Variants in LRP6 observed in about 807,000 individuals in gnomAD.
LRP6 encodes the protein low-density lipoprotein receptor-related protein 6.
Under a neutral mutation model 184.1 loss-of-function variants are expected in LRP6, and 43 were observed. The observed-to-expected ratio is 0.23, with a 90% CI of 0.18 to 0.30. The LOEUF (loss-of-function observed/expected upper bound fraction) is 0.30, where lower values mean the gene tolerates loss of function less well. Ranked by LOEUF, LRP6 falls within the 10% of genes least tolerant of loss-of-function variation. The pLI is 1.00. For synonymous variants in LRP6, 719 were observed against 684.9 expected, an observed-to-expected ratio of 1.05 and a Z score of -0.78; for missense variants, 1,571 against 2,005.3, an observed-to-expected ratio of 0.78 and a Z score of 4.14.
chr12:12,203,445 A>G (rs749897265), intron 2 of LRP6, 45 bp from the exon 3 acceptor site: 1 of 1,427,806 alleles, frequency 7.0e-7, no homozygotes, highest in Non-Finnish European at 9.9e-7. Context: ...AGCAGATATC[A>G]ATCAAATACT....
intron 3 of LRP6, among the ~76,000 whole-genome samples, chr12:12,191,987 C>A (rs569582752): frequency 6.6e-6 from 1 of 151,978 alleles, no homozygotes; most frequent in East Asian, 1.9e-4. Context: ...ATGAAGAATA[C>A]CAGAAATAGT....
intron 12 of LRP6, chr12:12,155,194 T>TCAAA (rs200217851): frequency 0.075 from 43,171 of 577,856 alleles, 1,848 homozygotes; most frequent in Admixed American, 0.11. Context: ...AGACTCTGTC[T>TCAAA]CAAACAAACA....
At chr12:12,222,687 T>G (rs1364055070) in intron 2 of LRP6, among the ~76,000 whole-genome samples, 1 of 152,114 alleles carries the variant, frequency 6.6e-6, no homozygotes, top group Non-Finnish European at 1.5e-5. Flanking sequence ...CTATGTTTTT[T>G]CCTATATATA....
chr12:12,237,804 T>A (rs1489011304), intron 2 of LRP6, among the ~76,000 whole-genome samples: 1 of 152,190 alleles, frequency 6.6e-6, no homozygotes, highest in East Asian at 1.9e-4. Context: ...ACATCTCAGA[T>A]TAGAAAAGGC....
chr12:12,229,319 G>A (rs964310682), intron 2 of LRP6, among the ~76,000 whole-genome samples: 3 of 143,296 alleles, frequency 2.1e-5, no homozygotes, highest in Non-Finnish European at 3.0e-5. Flanking sequence ...GCTGTGAGCC[G>A]AGATCATGCC....
chr12:12,169,874 G>C (rs969276362), intron 7 of LRP6, among the ~76,000 whole-genome samples: 1 of 152,118 alleles, frequency 6.6e-6, no homozygotes, highest in African/African-American at 2.4e-5. Flanking sequence ...ACCACGTTTT[G>C]TAAGCACACT....
chr12:12,118,197 C>A lies in LRP6; in HGVS notation c.*2929G>T, dbSNP rs1218118616. 2.0e-5 allele frequency: 3 copies of A among 152,190 alleles called. No homozygotes were observed. Among genetic ancestry groups the A allele is most frequent in the African/African-American group, 7.2e-5 (3 of 41,450 alleles). The allele number at this position is 152,190 out of a possible 1,614,324, so 9.4% of individuals were successfully genotyped here. A position where few individuals can be genotyped will look rare whatever the true frequency, so the allele number is the denominator to read the frequency against. ...AAGAAAAATTAATAGTCAGAAAATT[C>A]TATCCACCAACTCTCTTTGTTTCCC... is the stretch of plus-strand genomic sequence containing the variant. On this transcript the variant is annotated 3_prime_UTR_variant, in exon 23 of 23. Transcript: ENST00000261349.
At position 12,122,051 on chromosome 12, in the gene LRP6, G is replaced by A. The variant is rs571481000; in HGVS notation, c.4548-631C>T. On this transcript the variant is annotated intron_variant, in intron 22 of 22. Coordinates refer to ENST00000261349, the MANE Select transcript of LRP6 (RefSeq NM_002336.3). ...GTGTATAGGTAAGTACCTCTCATAA[G>A]AGCAGCTTTAAACATCAAAATGATA... Among the ~76,000 whole-genome samples, 4 of 152,282 alleles carry A rather than the reference G, an allele frequency of 2.6e-5. No homozygotes were observed. The East Asian group carries it at 5.8e-4, about 22-fold the overall frequency.
intron 15 of LRP6, among the ~76,000 whole-genome samples, chr12:12,144,955 CTAATG>C (rs1949981987): frequency 6.6e-6 from 1 of 151,952 alleles, no homozygotes; most frequent in Non-Finnish European, 1.5e-5. Flanking sequence ...GGAGAAATAC[CTAATG>C]TAAATTACTA....
At chr12:12,130,936 G>A (rs1455738356) in intron 18 of LRP6, 43 bp from the exon 19 acceptor site, 8 of 1,098,468 alleles carry the variant, frequency 7.3e-6, no homozygotes, top group African/African-American at 3.1e-5. Context: ...TTAATATCAT[G>A]TAAAGTCAAA....
intron 2 of LRP6, among the ~76,000 whole-genome samples, chr12:12,219,565 G>A (rs1385168704): frequency 4.6e-5 from 7 of 152,172 alleles, no homozygotes; most frequent in Middle Eastern, 3.4e-3. Context: ...TAGAAAGGGG[G>A]AAAAAATACA....
chr12:12,204,148 G>A (rs532320266), intron 2 of LRP6, among the ~76,000 whole-genome samples: 2 of 151,954 alleles, frequency 1.3e-5, no homozygotes, highest in African/African-American at 2.4e-5. Context: ...TCTTTTATAC[G>A]GTCTCTCTTG....
At chr12:12,147,673 T>C (rs1950029305) in intron 14 of LRP6, 117 bp from the exon 15 acceptor site, 1 of 894,834 alleles carries the variant, frequency 1.1e-6, no homozygotes, top group Non-Finnish European at 1.8e-6. Flanking sequence ...TTAAAAGTTT[T>C]AAAATACGTA....
intron 2 of LRP6, among the ~76,000 whole-genome samples, chr12:12,227,361 C>T (rs1379727933): frequency 4.0e-5 from 6 of 149,640 alleles, no homozygotes; most frequent in East Asian, 1.9e-4. Flanking sequence ...AAGAAAGTAA[C>T]GGCATTAGAG....
rs191502650 is a variant in LRP6 at position 12,187,934 on chromosome 12, G to A, written c.648-815C>T. Among the ~76,000 whole-genome samples, 406 of 152,238 alleles carry A rather than the reference G, an allele frequency of 2.7e-3. 1 individual carries two copies. Among genetic ancestry groups the A allele is most frequent in the Non-Finnish European group, 4.3e-3 (294 of 68,020 alleles). On this transcript the variant is annotated intron_variant, in intron 3 of 22. Coordinates refer to ENST00000261349, the MANE Select transcript of LRP6 (RefSeq NM_002336.3). ...ATAGAATAAGCAAATGCTGAGGGCC[G>A]GGCGCAGTGGCTCACGTCTGTAATC...
intron 16 of LRP6, among the ~76,000 whole-genome samples, chr12:12,137,180 T>C (rs1483595156): frequency 6.6e-6 from 1 of 152,214 alleles, no homozygotes; most frequent in Non-Finnish European, 1.5e-5. Context: ...TTAAAAGCAC[T>C]GAGCTGAGAA....
At chr12:12,190,249 T>TG (rs925259741) in intron 3 of LRP6, among the ~76,000 whole-genome samples, 2 of 152,188 alleles carry the variant, frequency 1.3e-5, no homozygotes, top group African/African-American at 4.8e-5. Context: ...GCCTACCTCC[T>TG]GATCCCCATC....
At chr12:12,128,931 C>T (rs768680950) in intron 19 of LRP6, among the ~76,000 whole-genome samples, 1 of 152,204 alleles carries the variant, frequency 6.6e-6, no homozygotes, top group Non-Finnish European at 1.5e-5. Context: ...CCCACTCCTC[C>T]TCCTCATGAT....
intron 15 of LRP6, 48 bp downstream of exon 15, chr12:12,147,318 T>C: frequency 6.3e-7 from 1 of 1,584,334 alleles, no homozygotes; most frequent in Non-Finnish European, 8.7e-7. Context: ...AATAGATGAA[T>C]CATCTTAAAA....
Sources: gnomAD v4.1 joint callset for allele counts (sites outside exome capture counted in the v4.1 genomes callset) on GRCh38, gnomAD v4.1.1 for gene constraint, MANE v1.5 for transcripts, NCBI Gene and HGNC (gene_info 2026-07-23, HGNC 2026-07-21) for gene names.